Variants in DOK6 observed in about 807,000 individuals in gnomAD.
DOK6 encodes the protein docking protein 6.
A neutral mutation model predicts 44.0 loss-of-function variants in DOK6; 22 were observed. The ratio of observed to expected loss-of-function variants is 0.50; its 90% confidence interval spans 0.36 to 0.71. The LOEUF (loss-of-function observed/expected upper bound fraction) is 0.71. DOK6 is among the 30% of genes least tolerant of loss of function. The pLI is 0.00. For synonymous variants in DOK6, 166 were observed against 145.5 expected (o/e 1.14, Z -1.01); for missense variants, 340 against 416.4 (o/e 0.82, Z 1.60).
Position 69,510,533 on chromosome 18 carries a change from C to T in DOK6, c.67-53954C>T, listed in dbSNP as rs74623971. On this transcript the variant is annotated intron_variant, in intron 1 of 7. Coordinates refer to ENST00000382713, the MANE Select transcript of DOK6 (RefSeq NM_152721.6). ...TATTACATTTAAATACCAAACAGAG[C>T]GCCAAATGTTTTTAATTTTTTCTAT... is the stretch of plus-strand genomic sequence containing the variant. Among the ~76,000 whole-genome samples, 215 of 151,836 alleles carry T rather than the reference C, an allele frequency of 1.4e-3. 1 individual carries two copies. Among genetic ancestry groups the T allele is most frequent in the African/African-American group, 4.8e-3 (200 of 41,398 alleles).
intron 2 of DOK6, among the ~76,000 whole-genome samples, chr18:69,589,295 A>G (rs1280847524): frequency 6.6e-6 from 1 of 152,104 alleles, no homozygotes; most frequent in Non-Finnish European, 1.5e-5. Context: ...CCATCCTAAT[A>G]AAGTTGTATT....
At chr18:69,461,667 C>A (rs1250538342) in intron 1 of DOK6, among the ~76,000 whole-genome samples, 1 of 152,128 alleles carries the variant, frequency 6.6e-6, no homozygotes, top group Non-Finnish European at 1.5e-5. Context: ...TTTTCAAAAC[C>A]CTCTTTAAAC....
intron 3 of DOK6, among the ~76,000 whole-genome samples, chr18:69,642,967 T>C (rs535185373): frequency 6.6e-6 from 1 of 152,372 alleles, no homozygotes; most frequent in African/African-American, 2.4e-5. Context: ...AGAGACTCTA[T>C]CATTACTTTC....
Position 69,564,507 on chromosome 18 carries a change from G to C in DOK6, c.87G>C (p.Leu29Phe). The change falls in exon 2 of 8, where the codon TTG becomes TTC. Residue 29 changes from leucine to phenylalanine, a missense_variant. Around this residue, in one of 3 missense-constraint regions of DOK6, gnomAD observed 206 missense variants for 258.6 expected, o/e 0.80. Transcript: ENST00000382713. ...TTCAGATTTTCAGACGATGCTGGTT[G>C]GTTTTCAAGAAGGCTTCTAGCAAAG... is the stretch of plus-strand genomic sequence containing the variant. ...RKLGIFRRCWLVFKKASSKGP... is the reference protein window; with the variant it reads ...RKLGIFRRCWFVFKKASSKGP... The C allele has an allele frequency of 6.2e-7, 1 of 1,613,786 alleles. No individual in the cohort carries two copies. The highest frequency in any genetic ancestry group is 8.5e-7 in the Non-Finnish European group (1 of 1,179,864).
Position 69,841,951 on chromosome 18 carries a change from TGTGTGTGTGTGC to T in DOK6, c.*580_*591del, listed in dbSNP as rs1313989637. The T allele has an allele frequency of 8.2e-6, 1 of 121,708 alleles. No homozygotes were observed. The highest frequency in any genetic ancestry group is 9.2e-5 in the Admixed American group (1 of 10,874). The allele number at this position is 121,708 out of a possible 1,614,324, so 7.5% of individuals were successfully genotyped here. On this transcript the variant is annotated 3_prime_UTR_variant, in exon 8 of 8. Transcript: ENST00000382713. The stretch of plus-strand genomic sequence containing the variant: ...AAGCAGGGCCCTGTAGCTCTACTCG[TGTGTGTGTGTGC>T]GTGTGTGTGTGTGTGTGTAGACAAA...
chr18:69,604,411 A>C (rs1983947250), intron 3 of DOK6, among the ~76,000 whole-genome samples: 1 of 152,212 alleles, frequency 6.6e-6, no homozygotes, highest in South Asian at 2.1e-4. Flanking sequence ...AATGGTCTTA[A>C]CTTCCCAGAG....
intron 7 of DOK6, among the ~76,000 whole-genome samples, chr18:69,834,026 A>G (rs777255631): frequency 3.9e-5 from 6 of 152,184 alleles, no homozygotes; most frequent in Non-Finnish European, 7.4e-5. Flanking sequence ...TCCCACTTCT[A>G]GGTACACATC....
intron 3 of DOK6, among the ~76,000 whole-genome samples, chr18:69,663,708 A>C (rs931967950): frequency 6.6e-6 from 1 of 152,316 alleles, no homozygotes; most frequent in East Asian, 1.9e-4. Context: ...GCTTTTAATA[A>C]AATTGAACAA....
intron 7 of DOK6, among the ~76,000 whole-genome samples, chr18:69,811,616 T>A (rs1196288497): frequency 6.8e-6 from 1 of 147,334 alleles, no homozygotes; most frequent in Admixed American, 6.8e-5. Context: ...TATACAATTT[T>A]GGTTAACTAA....
intron 5 of DOK6, among the ~76,000 whole-genome samples, chr18:69,730,660 G>T (rs1395911290): frequency 6.6e-6 from 1 of 152,128 alleles, no homozygotes; most frequent in Non-Finnish European, 1.5e-5. Flanking sequence ...AAATTTTAAG[G>T]TTGAAAATCC....
chr18:69,536,023 T>G (rs540688548), intron 1 of DOK6, among the ~76,000 whole-genome samples: 1 of 152,138 alleles, frequency 6.6e-6, no homozygotes, highest in Non-Finnish European at 1.5e-5. Context: ...AGTGCCAGAT[T>G]CAATGTCCAC....
At chr18:69,418,510 G>C (rs1282159674) in intron 1 of DOK6, among the ~76,000 whole-genome samples, 2 of 152,110 alleles carry the variant, frequency 1.3e-5, no homozygotes, top group Non-Finnish European at 2.9e-5. Context: ...ATCCAGGCTG[G>C]AGTGCAGTGA....
rs1980515355 is a variant in DOK6, at chr18:69,789,030, T to C, written c.856+31157T>C. On this transcript the variant is annotated intron_variant, in intron 7 of 7. Coordinates refer to ENST00000382713, the MANE Select transcript of DOK6 (RefSeq NM_152721.6). Reference sequence around the variant, plus strand: ...GAAAATTAGTGGGCATTTATGGAAGTTCTTTAAAGATAAATGATGTTTTGT... The same window carrying C: ...GAAAATTAGTGGGCATTTATGGAAGCTCTTTAAAGATAAATGATGTTTTGT... Among the ~76,000 whole-genome samples, 4 of 152,206 alleles carry C rather than the reference T, an allele frequency of 2.6e-5. No homozygotes were observed. In the South Asian group the frequency reaches 6.2e-4, roughly 24 times the overall value.
At chr18:69,478,245 A>T (rs1980322182) in intron 1 of DOK6, among the ~76,000 whole-genome samples, 1 of 152,174 alleles carries the variant, frequency 6.6e-6, no homozygotes, top group South Asian at 2.1e-4. Flanking sequence ...TAAAAATCAG[A>T]TTAGCAGTCT....
chr18:69,415,779 C>T (rs902843699), intron 1 of DOK6, among the ~76,000 whole-genome samples: 7 of 152,054 alleles, frequency 4.6e-5, no homozygotes, highest in African/African-American at 1.7e-4. Context: ...TTTTGAGGGT[C>T]ACAAAAGAGA....
chr18:69,432,825 C>A (rs1978845128), intron 1 of DOK6, among the ~76,000 whole-genome samples: 1 of 151,994 alleles, frequency 6.6e-6, no homozygotes, highest in Non-Finnish European at 1.5e-5. Context: ...AAAAAGATTT[C>A]ATTAGGAAAC....
At chr18:69,595,643 T>G (rs4534957) in intron 2 of DOK6, among the ~76,000 whole-genome samples, 144,863 of 152,208 alleles carry the variant, frequency 0.95, 69,343 homozygotes, top group East Asian at 1. Flanking sequence ...AATTCATGTT[T>G]CTCTGATAGG....
intron 3 of DOK6, among the ~76,000 whole-genome samples, chr18:69,655,980 GA>G (rs975276709): frequency 4.6e-5 from 7 of 151,624 alleles, no homozygotes; most frequent in African/African-American, 1.2e-4. Context: ...GGTAATTGCT[GA>G]AAAAAAATTC....
intron 4 of DOK6, among the ~76,000 whole-genome samples, chr18:69,680,019 G>C (rs1986010374): frequency 6.6e-6 from 1 of 152,068 alleles, no homozygotes. Context: ...ATACTTTACA[G>C]TGGACCTAAA....
Sources: gnomAD v4.1 joint callset for allele counts (sites outside exome capture counted in the v4.1 genomes callset) on GRCh38, gnomAD v4.1.1 for gene constraint, gnomAD v4.1.1 regional missense constraint, MANE v1.5 for transcripts, NCBI Gene and HGNC (gene_info 2026-07-23, HGNC 2026-07-21) for gene names.